PDE4D: variants seen among roughly 807,000 people sequenced by gnomAD.
The protein encoded by PDE4D is 3',5'-cyclic-AMP phosphodiesterase 4D.
PDE4D carries 24 observed loss-of-function variants against 87.4 expected under a neutral mutation model. The ratio of observed to expected loss-of-function variants is 0.27; its 90% CI spans 0.20 to 0.39. The LOEUF is 0.39. Among genes scored for constraint, PDE4D ranks in the 10% least tolerant of loss-of-function variants. PDE4D has a pLI of 1.00. For synonymous variants in PDE4D, 384 were observed against 383.2 expected (o/e 1.00, Z -0.02); for missense variants, 714 against 1,041.0 (o/e 0.69, Z 4.32).
chr5:59,646,913 T>C (rs1742546806), intron 1 of PDE4D, among the ~76,000 whole-genome samples: 1 of 152,102 alleles, frequency 6.6e-6, no homozygotes. Flanking sequence ...CACGAGCCTG[T>C]AGTCCCAGCT....
intron 1 of PDE4D, chr5:60,429,823 G>A (rs556500747): frequency 2.8e-6 from 1 of 352,086 alleles, no homozygotes; most frequent in Admixed American, 4.1e-5. Context: ...CTGCTCAATG[G>A]TGGTGGATTA....
intron 1 of PDE4D, among the ~76,000 whole-genome samples, chr5:59,776,139 C>T (rs897554003): frequency 6.6e-6 from 1 of 152,082 alleles, no homozygotes; most frequent in Non-Finnish European, 1.5e-5. Context: ...TATAAGGAAT[C>T]TTCTGAAACC....
chr5:59,794,124 C>A (rs1384545347), intron 1 of PDE4D, among the ~76,000 whole-genome samples: 1 of 144,410 alleles, frequency 6.9e-6, no homozygotes, highest in Non-Finnish European at 1.5e-5. Flanking sequence ...TACACAGACA[C>A]ACACACAGAG....
intron 2 of PDE4D, among the ~76,000 whole-genome samples, chr5:60,156,132 C>A (rs1178690533): frequency 6.6e-6 from 1 of 152,266 alleles, no homozygotes; most frequent in South Asian, 2.1e-4. Context: ...GGAACCTGGG[C>A]TAGCCACAGG....
intron 1 of PDE4D, among the ~76,000 whole-genome samples, chr5:60,438,446 C>A (rs1290772967): frequency 6.6e-6 from 1 of 152,056 alleles, no homozygotes; most frequent in Non-Finnish European, 1.5e-5. Flanking sequence ...TTGTATGCTT[C>A]CCCCTTTAAA....
intron 1 of PDE4D, among the ~76,000 whole-genome samples, chr5:59,525,149 G>T (rs748316710): frequency 6.6e-6 from 1 of 152,172 alleles, no homozygotes; most frequent in East Asian, 1.9e-4. Context: ...CTTGCACTGC[G>T]CACCTGGAAA....
intron 2 of PDE4D, among the ~76,000 whole-genome samples, chr5:60,104,257 G>C (rs1170529779): frequency 6.6e-6 from 1 of 152,228 alleles, no homozygotes; most frequent in African/African-American, 2.4e-5. Flanking sequence ...CTCGCTGATT[G>C]CTAGCACAGC....
rs367955203 is a variant in PDE4D, at chr5:59,949,487, G to GAAAC, written c.272+38997_272+39000dup. The stretch of plus-strand genomic sequence containing the variant: ...ACGATAGGTTTTCCTGGTTGTATTA[G>GAAAC]AAACACACGTGATAAAGAATCTACC... On this transcript the variant is annotated intron_variant, in intron 3 of 16. Transcript: ENST00000502484. Among the ~76,000 whole-genome samples the GAAAC allele has an allele frequency of 5.5e-5, 8 of 144,482 alleles. No individual in the cohort carries two copies. The East Asian group carries it at 1.6e-3, about 29-fold the overall frequency. 94.8% of individuals were successfully genotyped at this position (144,482 alleles called of 152,430 possible). A position where few individuals can be genotyped will look rare whatever the true frequency, so the allele number is the denominator to read the frequency against.
At position 58,975,107 on chromosome 5, in the gene PDE4D, GT is replaced by G. The variant is rs1433443585; in HGVS notation, c.2014-28del. On this transcript the variant is annotated intron_variant, in intron 14 of 14. Transcript: ENST00000340635. This position sits in a 1 kb window ranked among gnomAD's most constrained non-coding sequence, Gnocchi z 4.2. ...TAGTTAAGAAAAAAATCCAGTATGA[GT>G]AGAGGACTTGGGACTAAGAAACAAT... The G allele has an allele frequency of 4.3e-6, 6 of 1,387,706 alleles. No homozygotes were observed. The highest frequency in any genetic ancestry group is 5.7e-6 in the Non-Finnish European group (6 of 1,046,834). The allele number at this position is 1,387,706 out of a possible 1,614,324, so 86.0% of individuals were successfully genotyped here.
chr5:59,659,814 G>A (rs558377430), intron 1 of PDE4D, among the ~76,000 whole-genome samples: 51 of 152,264 alleles, frequency 3.3e-4, no homozygotes, highest in African/African-American at 1.2e-3. Flanking sequence ...AGCTCTGAAT[G>A]CATCAAGATA....
chr5:59,769,866 A>T lies in PDE4D; in HGVS notation c.455+123302T>A, dbSNP rs140673592. Among the ~76,000 whole-genome samples the T allele has an allele frequency of 9.9e-5, 15 of 152,026 alleles. No individual in the cohort carries two copies. In the East Asian group the frequency reaches 2.9e-3, roughly 29 times the overall value. ...AAAAAAAAAAATGGAGACTGGAATG[A>T]TTCTTTTTGTTTCCTATGATTACTA... On this transcript the variant is annotated intron_variant, in intron 1 of 14. Transcript: ENST00000340635.
intron 2 of PDE4D, among the ~76,000 whole-genome samples, chr5:60,050,705 T>C (rs1401873748): frequency 6.6e-6 from 1 of 152,138 alleles, no homozygotes. Context: ...TAAATGTAAA[T>C]GGGATAAATG....
chr5:60,366,169 A>C (rs1277824824), intron 1 of PDE4D, among the ~76,000 whole-genome samples: 1 of 152,054 alleles, frequency 6.6e-6, no homozygotes, highest in Non-Finnish European at 1.5e-5. Flanking sequence ...GAATCACAGC[A>C]TCTTCCATGG....
intron 1 of PDE4D, among the ~76,000 whole-genome samples, chr5:60,352,165 T>C (rs35335033): frequency 0.22 from 32,733 of 151,982 alleles, 3,998 homozygotes; most frequent in South Asian, 0.36. Flanking sequence ...AAAATGTTTC[T>C]ATCACACCTC....
At chr5:59,727,923 GACT>G (rs1756838036) in intron 1 of PDE4D, among the ~76,000 whole-genome samples, 1 of 152,092 alleles carries the variant, frequency 6.6e-6, no homozygotes, top group African/African-American at 2.4e-5. Context: ...CAACTTGAAA[GACT>G]ACTATTGGCT....
At chr5:59,187,958 A>T (rs1158375303) in intron 3 of PDE4D, among the ~76,000 whole-genome samples, 1 of 152,132 alleles carries the variant, frequency 6.6e-6, no homozygotes, top group African/African-American at 2.4e-5. Context: ...CATCACTGTT[A>T]TCACTGTGTT....
At chr5:60,467,416 G>A (rs2150184297) in intron 1 of PDE4D, among the ~76,000 whole-genome samples, 1 of 152,250 alleles carries the variant, frequency 6.6e-6, no homozygotes, top group African/African-American at 2.4e-5. Context: ...TGGAGCCCCA[G>A]AAATGTGCTT....
At chr5:59,025,816 T>C (rs562379246) in intron 6 of PDE4D, among the ~76,000 whole-genome samples, 1 of 152,368 alleles carries the variant, frequency 6.6e-6, no homozygotes, top group Non-Finnish European at 1.5e-5. Flanking sequence ...GCCTCTTTGC[T>C]ATGGACACAT....
At chr5:60,402,708 G>A (rs938978979) in intron 1 of PDE4D, among the ~76,000 whole-genome samples, 1 of 152,190 alleles carries the variant, frequency 6.6e-6, no homozygotes, top group Non-Finnish European at 1.5e-5. Context: ...CATTCCAGGT[G>A]ATCTTATGTT....
Sources: gnomAD v4.1 joint callset for allele counts (sites outside exome capture counted in the v4.1 genomes callset) on GRCh38, gnomAD v4.1.1 for gene constraint, Gnocchi (gnomAD v3.1) non-coding constraint, MANE v1.5 for transcripts, NCBI Gene and HGNC (gene_info 2026-07-23, HGNC 2026-07-21) for gene names.